RSBN1: variants seen among roughly 807,000 people sequenced by gnomAD.
RSBN1 encodes the protein lysine-specific demethylase 9.
Under a neutral mutation model 74.8 loss-of-function variants are expected in RSBN1, and 23 were observed. The ratio of observed to expected loss-of-function variants is 0.31; its 90% confidence interval spans 0.22 to 0.44. The LOEUF (loss-of-function observed/expected upper bound fraction) is 0.44. Among genes scored for constraint, RSBN1 ranks in the 20% least tolerant of loss-of-function variants. RSBN1 has a pLI of 1.00. For missense variants in RSBN1, 808 were observed against 1,020.9 expected (o/e 0.79, Z 2.84); for synonymous variants, 407 against 379.6 (o/e 1.07, Z -0.84).
At chr1:113,785,482 A>C (rs1446755533) in intron 2 of RSBN1, among the ~76,000 whole-genome samples, 1 of 152,242 alleles carries the variant, frequency 6.6e-6, no homozygotes, top group African/African-American at 2.4e-5. Flanking sequence ...TTACATATGC[A>C]GTCTGTCATT....
At chr1:113,807,784 T>C (rs1234769714) in intron 1 of RSBN1, among the ~76,000 whole-genome samples, 1 of 137,090 alleles carries the variant, frequency 7.3e-6, no homozygotes, top group Non-Finnish European at 1.6e-5. Context: ...TATATATATA[T>C]ATATATGTAT....
In RSBN1 at chr1:113,797,357, T is replaced by A. The variant is rs1660492083; in HGVS notation, c.1377+6A>T. The A allele has an allele frequency of 6.3e-7, 1 of 1,599,532 alleles. No individual in the cohort carries two copies. The highest frequency in any genetic ancestry group is 8.5e-7 in the Non-Finnish European group (1 of 1,174,218). On this transcript the variant is annotated splice_donor_region_variant and intron_variant, in intron 2 of 6. Coordinates refer to ENST00000261441, the MANE Select transcript of RSBN1 (RefSeq NM_018364.5). ...TACTAATTTTTAACAACAATTTTTA[T>A]CTTACCTGAGTGTGAAAATTTGAAA...
intron 2 of RSBN1, among the ~76,000 whole-genome samples, chr1:113,793,483 C>T (rs975729233): frequency 6.6e-6 from 1 of 152,054 alleles, no homozygotes; most frequent in Non-Finnish European, 1.5e-5. Context: ...TCTTTTTGGT[C>T]TTTTCCCATG....
intron 1 of RSBN1, 92 bp from the exon 2 acceptor site, chr1:113,798,128 C>A: frequency 9.1e-7 from 1 of 1,094,796 alleles, no homozygotes; most frequent in Non-Finnish European, 1.3e-6. Context: ...ATAGCCTATC[C>A]TCAATTTCTC....
At chr1:113,781,107 T>G (rs1403112351) in intron 2 of RSBN1, among the ~76,000 whole-genome samples, 3 of 152,180 alleles carry the variant, frequency 2.0e-5, no homozygotes, top group Admixed American at 1.3e-4. Flanking sequence ...ACATTCAAAC[T>G]ATCCATCCCA....
intron 2 of RSBN1, among the ~76,000 whole-genome samples, chr1:113,787,937 T>C (rs1366206283): frequency 6.6e-6 from 1 of 151,944 alleles, no homozygotes; most frequent in Non-Finnish European, 1.5e-5. Flanking sequence ...CCATGTTTGA[T>C]GAAAACATAA....
Position 113,768,331 on chromosome 1 carries a change from C to T in RSBN1, c.1717G>A (p.Val573Ile), listed in dbSNP as rs1659823215. 1.2e-6 allele frequency: 2 copies of T among 1,613,042 alleles called. No homozygotes were observed. Among genetic ancestry groups the T allele is most frequent in the East Asian group, 4.5e-5 (2 of 44,852 alleles). Residue 573 changes from valine to isoleucine, a missense_variant, in exon 5 of 7, where the codon GTT (valine) becomes ATT (isoleucine). Around this residue, in one of 6 missense-constraint regions of RSBN1, gnomAD observed 112 missense variants for 257.3 expected, o/e 0.44. Transcript: ENST00000261441. ...YLPRTSEPRE[V>I]LFEDRTRAHA... ...GCTCTAGTCCTATCTTCAAAGAGAA[C>T]TTCGCGGGGTTCACTGGTCCGAGGT...
At chr1:113,791,245 T>C (rs780134162) in intron 2 of RSBN1, among the ~76,000 whole-genome samples, 4 of 152,172 alleles carry the variant, frequency 2.6e-5, no homozygotes, top group Non-Finnish European at 5.9e-5. Flanking sequence ...AAAAAAATAA[T>C]AGTTTTGCAT....
At chr1:113,766,932 G>A (rs1368294920) in intron 6 of RSBN1, among the ~76,000 whole-genome samples, 167 bp downstream of exon 6, 1 of 152,158 alleles carries the variant, frequency 6.6e-6, no homozygotes, top group Non-Finnish European at 1.5e-5. Context: ...TTCTGCTAGG[G>A]AAGCTCTGTT....
chr1:113,790,198 T>C (rs745705151), intron 2 of RSBN1, among the ~76,000 whole-genome samples: 4 of 152,072 alleles, frequency 2.6e-5, no homozygotes, highest in African/African-American at 4.8e-5. Context: ...GGAGGGGTAG[T>C]AGCGGGTAAC....
chr1:113,768,466 A>T (rs1659827638), intron 4 of RSBN1, 77 bp from the exon 5 acceptor site: 5 of 1,120,768 alleles, frequency 4.5e-6, no homozygotes, highest in Non-Finnish European at 6.3e-6. Context: ...AATAGCAGTA[A>T]GGCAAAAAAG....
At chr1:113,805,274 A>G (rs1429724783) in intron 1 of RSBN1, among the ~76,000 whole-genome samples, 1 of 151,970 alleles carries the variant, frequency 6.6e-6, no homozygotes, top group Non-Finnish European at 1.5e-5. Flanking sequence ...TATTTTTCGT[A>G]GAGACAGGGT....
chr1:113,767,906 A>C, intron 5 of RSBN1: 1 of 199,142 alleles, frequency 5.0e-6, no homozygotes, highest in African/African-American at 2.3e-5. Context: ...ATCTATATGA[A>C]ATATGTAAAG....
chr1:113,781,727 C>T (rs1420608960), intron 2 of RSBN1, among the ~76,000 whole-genome samples: 1 of 152,076 alleles, frequency 6.6e-6, no homozygotes, highest in African/African-American at 2.4e-5. Context: ...ATGTACTTCG[C>T]CGGTTAATAA....
chr1:113,777,852 A>C, intron 2 of RSBN1, 44 bp from the exon 3 acceptor site: 4 of 1,462,504 alleles, frequency 2.7e-6, no homozygotes, highest in Non-Finnish European at 3.7e-6. Context: ...AGGTACAACT[A>C]TAATATAATT....
chr1:113,805,974 C>T (rs1000816322), intron 1 of RSBN1, among the ~76,000 whole-genome samples: 1 of 152,154 alleles, frequency 6.6e-6, no homozygotes, highest in Non-Finnish European at 1.5e-5. Flanking sequence ...TCCAATAAAG[C>T]TTTATTTCTG....
intron 2 of RSBN1, among the ~76,000 whole-genome samples, chr1:113,787,867 C>A (rs1660279916): frequency 6.6e-6 from 1 of 152,122 alleles, no homozygotes; most frequent in African/African-American, 2.4e-5. Flanking sequence ...AAATCCCACC[C>A]ACGTGTTCAC....
At chr1:113,767,076 G>A (rs1273538955) in intron 6 of RSBN1, 23 bp downstream of exon 6, 2 of 1,334,682 alleles carry the variant, frequency 1.5e-6, no homozygotes, top group Non-Finnish European at 2.1e-6. Flanking sequence ...TATCGCAAAT[G>A]GTGATAAAAC....
rs538189638 is a variant in RSBN1 at position 113,801,540 on chromosome 1, T to C, written c.704-3504A>G. On this transcript the variant is annotated intron_variant, in intron 1 of 6. Transcript: ENST00000261441. ...GCCCTGCCTTGAATTTAAAACGTTA[T>C]TTGAAAGTCAGTGTCCAAAGTCTTC... Among the ~76,000 whole-genome samples, 8 of 152,364 alleles carry C rather than the reference T, an allele frequency of 5.3e-5. No individual in the cohort carries two copies. The South Asian group carries it at 8.3e-4, about 16-fold the overall frequency.
Sources: gnomAD v4.1 joint callset for allele counts (sites outside exome capture counted in the v4.1 genomes callset) on GRCh38, gnomAD v4.1.1 for gene constraint, gnomAD v4.1.1 regional missense constraint, MANE v1.5 for transcripts, NCBI Gene and HGNC (gene_info 2026-07-23, HGNC 2026-07-21) for gene names.